Variants in PRKD3 observed in about 807,000 individuals in gnomAD.
PRKD3 encodes protein kinase D3, also known as serine/threonine-protein kinase D3.
In PRKD3, 47 loss-of-function variants were observed where a neutral mutation model predicts 99.2. The ratio of observed to expected loss-of-function variants is 0.47; its 90% CI spans 0.38 to 0.60. The LOEUF (loss-of-function observed/expected upper bound fraction) is 0.60, where lower values mean the gene tolerates loss of function less well. Ranked by LOEUF, PRKD3 falls within the 20% of genes least tolerant of loss-of-function variation. The pLI is 0.00. For missense variants in PRKD3, 1,019 were observed against 1,088.4 expected (o/e 0.94, Z 0.90); for synonymous variants, 392 against 355.4 (o/e 1.10, Z -1.16).
chr2:37,315,860 G>C (rs1031736138), intron 2 of PRKD3, among the ~76,000 whole-genome samples: 1 of 152,160 alleles, frequency 6.6e-6, no homozygotes, highest in Non-Finnish European at 1.5e-5. Flanking sequence ...GAGTAGCTTG[G>C]ACTACAGGTG....
At chr2:37,324,187 C>A in intron 1 of PRKD3, 2 of 985,426 alleles carry the variant, frequency 2.0e-6, no homozygotes, top group Non-Finnish European at 2.4e-6. Flanking sequence ...CTCCAAGCAC[C>A]ATTTACTCAC....
chr2:37,317,973 G>GT (rs1671734230), intron 1 of PRKD3: 10 of 146,300 alleles, frequency 6.8e-5, no homozygotes, highest in Admixed American at 6.8e-4. Flanking sequence ...AGGTCAAAAA[G>GT]TTAAAAAAAA....
chr2:37,323,420 T>C (rs997884594), intron 1 of PRKD3, among the ~76,000 whole-genome samples: 1 of 151,976 alleles, frequency 6.6e-6, no homozygotes, highest in Non-Finnish European at 1.5e-5. Flanking sequence ...TATTACTACC[T>C]ACTGAAGAAA....
chr2:37,288,985 C>T (rs995062281), intron 5 of PRKD3, among the ~76,000 whole-genome samples: 19 of 151,444 alleles, frequency 1.3e-4, no homozygotes, highest in African/African-American at 3.6e-4. Flanking sequence ...ACCCAGGAGG[C>T]GGAGGTTGCA....
At chr2:37,281,042 A>T (rs1669836175) in intron 7 of PRKD3, among the ~76,000 whole-genome samples, 1 of 152,192 alleles carries the variant, frequency 6.6e-6, no homozygotes, top group Admixed American at 6.5e-5. Flanking sequence ...ACTGCAAATG[A>T]AAACTACAAT....
chr2:37,308,777 T>C (rs1671285301), intron 2 of PRKD3, among the ~76,000 whole-genome samples: 1 of 151,986 alleles, frequency 6.6e-6, no homozygotes, highest in African/African-American at 2.4e-5. Context: ...TAAGTGAAGG[T>C]CTATGTTAAT....
chr2:37,259,713 C>A, intron 15 of PRKD3, 32 bp from the exon 16 acceptor site: 1 of 1,490,778 alleles, frequency 6.7e-7, no homozygotes, highest in Non-Finnish European at 9.3e-7. Context: ...TTTTCAATGT[C>A]TGGAAAATCA....
At chr2:37,268,364 C>G (rs1475290654) in intron 13 of PRKD3, 16 of 470,690 alleles carry the variant, frequency 3.4e-5, no homozygotes, top group Non-Finnish European at 2.6e-5. Flanking sequence ...ACTCTTAAAA[C>G]TGACAAATCT....
intron 12 of PRKD3, among the ~76,000 whole-genome samples, chr2:37,270,905 G>T (rs774387213): frequency 2.0e-5 from 3 of 152,110 alleles, no homozygotes; most frequent in Non-Finnish European, 4.4e-5. Context: ...TTTCCCCCAT[G>T]ACATGGATGG....
rs1254383356 is a variant in PRKD3, at chr2:37,252,159, C to G, written c.*1018G>C. The G allele has an allele frequency of 1.3e-5, 2 of 152,206 alleles. No individual in the cohort carries two copies. The highest frequency in any genetic ancestry group is 1.3e-4 in the Admixed American group (2 of 15,274). 9.4% of individuals were successfully genotyped at this position (152,206 alleles called of 1,614,324 possible). On this transcript the variant is annotated 3_prime_UTR_variant, in exon 19 of 19. Coordinates refer to ENST00000234179, the MANE Select transcript of PRKD3 (RefSeq NM_005813.6). ...ATTGACTTTAAAACACTCCAGATAT[C>G]TGCAAAGCCCAATAGGCTAGGGGAA...
intron 4 of PRKD3, among the ~76,000 whole-genome samples, chr2:37,290,127 C>T (rs1209907220): frequency 3.3e-5 from 5 of 152,148 alleles, no homozygotes; most frequent in Admixed American, 3.3e-4. Flanking sequence ...GTTGATTGAC[C>T]CTCCACCTTA....
At chr2:37,289,608 AT>A in intron 4 of PRKD3, 95 bp from the exon 5 acceptor site, 2 of 1,078,112 alleles carry the variant, frequency 1.9e-6, no homozygotes, top group South Asian at 3.6e-5. Context: ...TATTTAACAT[AT>A]TTTCTGTTAG....
At chr2:37,259,832 C>G (rs1668269945) in intron 15 of PRKD3, 151 bp from the exon 16 acceptor site, 3 of 603,070 alleles carry the variant, frequency 5.0e-6, no homozygotes, top group Non-Finnish European at 8.8e-6. Context: ...TTAACAATTC[C>G]CACAATCACC....
At chr2:37,307,284 A>T (rs909820747) in intron 2 of PRKD3, among the ~76,000 whole-genome samples, 1 of 152,230 alleles carries the variant, frequency 6.6e-6, no homozygotes, top group African/African-American at 2.4e-5. Flanking sequence ...CCACATTCTT[A>T]TGTGGAATAA....
At position 37,317,069 on chromosome 2, in the gene PRKD3, G is replaced by T; in HGVS notation, c.-545C>A. ...AAATGTCCTCATTTTCATTCTGGGG[G>T]GATGAACTTTTCTATGACGAAATAC... On this transcript the variant is annotated 5_prime_UTR_variant, in exon 2 of 19. Coordinates refer to ENST00000234179, the MANE Select transcript of PRKD3 (RefSeq NM_005813.6). 2 of 985,336 alleles carry T rather than the reference G, an allele frequency of 2.0e-6. No homozygotes were observed. The highest frequency in any genetic ancestry group is 2.4e-6 in the Non-Finnish European group (2 of 829,964). The allele number at this position is 985,336 out of a possible 1,614,324, so 61.0% of individuals were successfully genotyped here.
intron 16 of PRKD3, among the ~76,000 whole-genome samples, chr2:37,257,418 C>G (rs1668041237): frequency 1.3e-5 from 2 of 152,062 alleles, no homozygotes; most frequent in South Asian, 4.1e-4. Flanking sequence ...GTAATCCCAG[C>G]ACTTTGGGAG....
intron 10 of PRKD3, 96 bp downstream of exon 10, chr2:37,275,671 A>T: frequency 7.7e-7 from 1 of 1,306,360 alleles, no homozygotes; most frequent in Non-Finnish European, 1.0e-6. Context: ...TACTAGCTAG[A>T]GTCATATATA....
At position 37,253,050 on chromosome 2, in the gene PRKD3, A is replaced by C; in HGVS notation, c.*127T>G. On this transcript the variant is annotated 3_prime_UTR_variant, in exon 19 of 19. Coordinates refer to ENST00000234179, the MANE Select transcript of PRKD3 (RefSeq NM_005813.6). ...CATTATGAACTACAGTACTGGTGTC[A>C]CTTATTCGTTATCATATTTCTTCAT... is the stretch of plus-strand genomic sequence containing the variant. The C allele has an allele frequency of 1.0e-6, 1 of 969,112 alleles. No homozygotes were observed. Among genetic ancestry groups the C allele is most frequent in the Non-Finnish European group, 1.5e-6 (1 of 670,322 alleles). The allele number at this position is 969,112 out of a possible 1,614,324, so 60.0% of individuals were successfully genotyped here.
intron 18 of PRKD3, among the ~76,000 whole-genome samples, chr2:37,253,557 A>G (rs766348845): frequency 6.6e-6 from 1 of 152,154 alleles, no homozygotes. Context: ...CAGAGTCTCC[A>G]ATGAATGAAC....
Sources: allele counts gnomAD v4.1 joint callset (sites outside exome capture counted in the v4.1 genomes callset), GRCh38; gene constraint gnomAD v4.1.1; transcripts MANE v1.5; gene names NCBI Gene and HGNC (gene_info 2026-07-23, HGNC 2026-07-21).